The following ACSL1 variants were observed in gnomAD, a reference collection of about 807,000 sequenced individuals.
ACSL1 encodes the protein acyl-CoA synthetase long chain family member 1, also known as long-chain-fatty-acid--CoA ligase 1.
In ACSL1, 41 loss-of-function variants were observed where a neutral mutation model predicts 98.4. The observed-to-expected ratio is 0.42, with a 90% CI of 0.32 to 0.54. The LOEUF is 0.54. Ranked by LOEUF, ACSL1 falls within the 20% of genes least tolerant of loss-of-function variation. The pLI, the probability that ACSL1 is intolerant of heterozygous loss-of-function variation, is 0.13. For missense variants in ACSL1, 734 were observed against 883.1 expected, an observed-to-expected ratio of 0.83 and a Z score of 2.14; for synonymous variants, 316 against 322.7, an observed-to-expected ratio of 0.98 and a Z score of 0.22.
At chr4:184,798,539 C>T (rs545461573) in intron 2 of ACSL1, 7 of 187,484 alleles carry the variant, frequency 3.7e-5, no homozygotes, top group Non-Finnish European at 8.0e-5. Flanking sequence ...AGGGCAGATG[C>T]CACTTGCATG....
chr4:184,774,501 T>C (rs1189328924), intron 7 of ACSL1, among the ~76,000 whole-genome samples: 1 of 152,122 alleles, frequency 6.6e-6, no homozygotes, highest in Non-Finnish European at 1.5e-5. Flanking sequence ...TGAATGGACT[T>C]GAAGGTTAAG....
At chr4:184,777,404 G>A (rs991730915) in intron 5 of ACSL1, among the ~76,000 whole-genome samples, 1 of 151,856 alleles carries the variant, frequency 6.6e-6, no homozygotes, top group Non-Finnish European at 1.5e-5. Flanking sequence ...GCTGCAGTGA[G>A]CTGTGATCAC....
chr4:184,768,318 G>A lies in ACSL1; in HGVS notation c.1126C>T (p.Arg376Ter), dbSNP rs756391201. 11 of 1,611,192 alleles carry A rather than the reference G, an allele frequency of 6.8e-6. No individual in the cohort carries two copies. The highest frequency in any genetic ancestry group is 1.1e-5 in the South Asian group (1 of 90,628). The change falls in exon 12 of 21, where the codon CGA becomes TGA. Residue 376 changes from arginine (R) to a stop codon, truncating the protein, a stop_gained and splice_region_variant. Coordinates refer to ENST00000281455, the MANE Select transcript of ACSL1 (RefSeq NM_001995.5). LOFTEE classifies it high-confidence loss of function. ...VPRLLNRMFDRIFGQANTTLK... is the reference protein window; with the variant it reads ...VPRLLNRMFD Reference sequence around the variant, plus strand: ...GGACTTCGCTGCTTGGAACTTACTCGGTCAAACATCCGGTTCAGCAGTCTT... The same window carrying A: ...GGACTTCGCTGCTTGGAACTTACTCAGTCAAACATCCGGTTCAGCAGTCTT...
In ACSL1 at chr4:184,760,431, G is replaced by A. The variant is rs1429815899; in HGVS notation, c.1708C>T (p.Pro570Ser). The A allele has an allele frequency of 6.2e-7, 1 of 1,614,082 alleles. No homozygotes were observed. Among genetic ancestry groups the A allele is most frequent in the South Asian group, 1.1e-5 (1 of 91,072 alleles). Residue 570 changes from proline (P) to serine (S), a missense_variant, in exon 18 of 21, where the codon CCT becomes TCT. Coordinates refer to ENST00000281455, the MANE Select transcript of ACSL1 (RefSeq NM_001995.5). ...FKLAQGEYIA[P>S]EKIENIYMRS... The stretch of plus-strand genomic sequence containing the variant: ...ATGTAGATATTTTCAATCTTTTCAG[G>A]GGCTATGTATTCTCCTTGTGCCAGC...
chr4:184,778,338 G>GT (rs960884890), intron 5 of ACSL1, among the ~76,000 whole-genome samples: 2 of 152,194 alleles, frequency 1.3e-5, no homozygotes, highest in Non-Finnish European at 2.9e-5. Flanking sequence ...CTGAGTTTCG[G>GT]TTTTTTCCCA....
In ACSL1 at chr4:184,773,261, T is replaced by G. The variant is rs1403858794; in HGVS notation, c.842-107A>C. 1.5e-5 allele frequency: 15 copies of G among 973,078 alleles called. No homozygotes were observed. The highest frequency in any genetic ancestry group is 4.9e-5 in the Admixed American group (2 of 41,134). 60.3% of individuals were successfully genotyped at this position (973,078 alleles called of 1,614,324 possible). On this transcript the variant is annotated intron_variant, in intron 9 of 20. Coordinates refer to ENST00000281455, the MANE Select transcript of ACSL1 (RefSeq NM_001995.5). The surrounding 1 kb of genome is among the most constrained non-coding windows in gnomAD (Gnocchi z 4.3). Reference sequence around the variant, plus strand: ...TCAGACACCTCTACTGTTAGATATATCGTGAAAACCAAATGTTGAACACTA... The same window carrying G: ...TCAGACACCTCTACTGTTAGATATAGCGTGAAAACCAAATGTTGAACACTA...
rs1200511103 is a variant in ACSL1 at position 184,757,700 on chromosome 4, T to C, written c.1891A>G (p.Lys631Glu). The C allele has an allele frequency of 3.1e-6, 5 of 1,614,068 alleles. No individual in the cohort carries two copies. Among genetic ancestry groups the C allele is most frequent in the Non-Finnish European group, 4.2e-6 (5 of 1,179,982 alleles). ...ACCATATCTTCGAGGATAGCTTTTT[T>C]GACATCCTAAAAGGGTAAGAAAAAT... ...FEELCRNKDV[K>E]KAILEDMVRL... The change falls in exon 20 of 21, where the codon AAA becomes GAA. Residue 631 changes from lysine to glutamate, a missense_variant. By Grantham distance (56) the Lys-to-Glu change is moderately conservative. Coordinates refer to ENST00000281455, the MANE Select transcript of ACSL1 (RefSeq NM_001995.5). The surrounding 1 kb of genome is among the most constrained non-coding windows in gnomAD (Gnocchi z 4.5).
At chr4:184,796,610 T>C (rs943649275) in intron 2 of ACSL1, among the ~76,000 whole-genome samples, 18 of 152,202 alleles carry the variant, frequency 1.2e-4, no homozygotes, top group Non-Finnish European at 2.2e-4. Context: ...GAATCTGCAA[T>C]CACATATGGT....
intron 2 of ACSL1, among the ~76,000 whole-genome samples, chr4:184,801,701 T>C (rs1382377252): frequency 6.6e-6 from 1 of 152,226 alleles, no homozygotes; most frequent in Non-Finnish European, 1.5e-5. Flanking sequence ...GCTAAATCAA[T>C]GTCTATAAAC....
At chr4:184,810,983 G>A (rs891652529) in intron 1 of ACSL1, among the ~76,000 whole-genome samples, 1 of 152,138 alleles carries the variant, frequency 6.6e-6, no homozygotes, top group Non-Finnish European at 1.5e-5. Context: ...TGAGTGCCTG[G>A]GTCTGAAGCC....
rs1249276621 is a variant in ACSL1 at position 184,755,803 on chromosome 4, A to G, written c.*1322T>C. ...ATTACAATGACAATTCTTTAGTGCA[A>G]GCCCTGTTGTGCTTGTATATAATAC... is the stretch of plus-strand genomic sequence containing the variant. On this transcript the variant is annotated 3_prime_UTR_variant, in exon 21 of 21. Transcript: ENST00000281455. The G allele has an allele frequency of 6.5e-6, 1 of 152,696 alleles. No individual in the cohort carries two copies. The highest frequency in any genetic ancestry group is 1.5e-5 in the Non-Finnish European group (1 of 68,038). 9.5% of individuals were successfully genotyped at this position (152,696 alleles called of 1,614,324 possible). A position where few individuals can be genotyped will look rare whatever the true frequency, so the allele number is the denominator to read the frequency against.
At chr4:184,814,797 T>C (rs554222151) in intron 1 of ACSL1, among the ~76,000 whole-genome samples, 2 of 152,108 alleles carry the variant, frequency 1.3e-5, no homozygotes, top group South Asian at 2.1e-4. Context: ...TCCTGGAAAA[T>C]ATGTAGCTAT....
chr4:184,804,385 G>A (rs1198605735), intron 1 of ACSL1, among the ~76,000 whole-genome samples: 2 of 152,104 alleles, frequency 1.3e-5, no homozygotes, highest in African/African-American at 4.8e-5. Context: ...TTTGAGATCA[G>A]CCTGGCTAAC....
At chr4:184,815,097 A>G (rs1772503518) in intron 1 of ACSL1, 2 of 456,136 alleles carry the variant, frequency 4.4e-6, no homozygotes, top group South Asian at 1.5e-5. Context: ...TAACCACGGC[A>G]GGTAGGGCCC....
chr4:184,766,707 G>A lies in ACSL1; in HGVS notation c.1178C>T (p.Ala393Val). 6.2e-7 allele frequency: 1 copy of A among 1,614,130 alleles called. No homozygotes were observed. ...TTLKRWLLDF[A>V]SKRKEAELRS... The stretch of plus-strand genomic sequence containing the variant: ...AAGCTCTGCTTCTTTCCTCTTGGAG[G>A]CAAAGTCCAAGAGCCATCGCTTCAG... Residue 393 changes from alanine (A) to valine (V), a missense_variant, in exon 13 of 21, where the codon GCC becomes GTC. Transcript: ENST00000281455. The surrounding 1 kb of genome is among the most constrained non-coding windows in gnomAD (Gnocchi z 4.8).
At chr4:184,793,289 C>A (rs1229966082) in intron 2 of ACSL1, among the ~76,000 whole-genome samples, 2 of 152,014 alleles carry the variant, frequency 1.3e-5, no homozygotes, top group Non-Finnish European at 2.9e-5. Flanking sequence ...GCTCAGGTTC[C>A]TCCTGAGGTC....
intron 11 of ACSL1, 115 bp from the exon 12 acceptor site, chr4:184,768,565 A>C: frequency 7.0e-7 from 1 of 1,426,906 alleles, no homozygotes; most frequent in African/African-American, 1.5e-5. Context: ...CAGAAATCTT[A>C]AATTTCCTAA....
chr4:184,817,162 A>G (rs1048966170), intron 1 of ACSL1, among the ~76,000 whole-genome samples: 1 of 152,138 alleles, frequency 6.6e-6, no homozygotes, highest in African/African-American at 2.4e-5. Context: ...CAACCTAGCC[A>G]GAGAGCAGTT....
chr4:184,786,052 G>T (rs943439578), intron 3 of ACSL1, among the ~76,000 whole-genome samples: 1 of 152,254 alleles, frequency 6.6e-6, no homozygotes, highest in African/African-American at 2.4e-5. Context: ...GTCTCCCTAC[G>T]ATGGGAGGGT....
Sources: allele counts gnomAD v4.1 joint callset (sites outside exome capture counted in the v4.1 genomes callset), GRCh38; gene constraint gnomAD v4.1.1; non-coding constraint Gnocchi (gnomAD v3.1); transcripts MANE v1.5; gene names NCBI Gene and HGNC (gene_info 2026-07-23, HGNC 2026-07-21).